The following SPMAP2 variants were observed in gnomAD, a reference collection of about 807,000 sequenced individuals.
SPMAP2 encodes Theg homolog.
chr19:374,052 T>C, the SPMAP2 span: 8 of 1,598,480 alleles, frequency 5.0e-6, no homozygotes, highest in Non-Finnish European at 6.8e-6. Flanking sequence ...CCTCTTGCCC[T>C]GGGTCTCCCG....
chr19:373,543 G>A, the SPMAP2 span: 41 of 1,612,536 alleles, frequency 2.5e-5, no homozygotes, highest in African/African-American at 2.1e-4. Context: ...TGGAATAAGC[G>A]GACGGCTCAG....
At chr19:365,773 G>A in the SPMAP2 span, among the ~76,000 whole-genome samples, 5 of 149,290 alleles carry the variant, frequency 3.3e-5, no homozygotes, top group African/African-American at 1.2e-4. Context: ...GCAAGTGTGA[G>A]CACAAACAGC....
At chr19:371,588 C>T in the SPMAP2 span, among the ~76,000 whole-genome samples, 2 of 152,210 alleles carry the variant, frequency 1.3e-5, no homozygotes, top group Non-Finnish European at 2.9e-5. Flanking sequence ...CCAGGGTTGT[C>T]TCTGCTCAAT....
At chr19:366,927 G>A in the SPMAP2 span, 115 of 1,011,800 alleles carry the variant, frequency 1.1e-4, no homozygotes, top group South Asian at 3.2e-5. Flanking sequence ...CTCTGCTTCC[G>A]GACCACACGT....
At chr19:371,052 G>C in the SPMAP2 span, among the ~76,000 whole-genome samples, 1 of 152,240 alleles carries the variant, frequency 6.6e-6, no homozygotes, top group Admixed American at 6.5e-5. Flanking sequence ...TGAAGACAGT[G>C]AGAGATCAAA....
At chr19:361,916 G>C in the SPMAP2 span, 2 of 241,692 alleles carry the variant, frequency 8.3e-6, no homozygotes, top group African/African-American at 2.3e-5. Flanking sequence ...CGGCTGGTTT[G>C]ACTGTGGCTG....
chr19:374,471 C>T, the SPMAP2 span: 2,912 of 1,610,958 alleles, frequency 1.8e-3, 7 homozygotes, highest in Non-Finnish European at 2.3e-3. Flanking sequence ...CGCCCCGATG[C>T]GTTTGGGAGC....
chr19:373,563 G>A, the SPMAP2 span: 8 of 1,607,226 alleles, frequency 5.0e-6, no homozygotes, highest in South Asian at 5.5e-5. Context: ...GGGCAAGGGA[G>A]GCAGAGAGCC....
the SPMAP2 span, among the ~76,000 whole-genome samples, chr19:369,404 C>T: frequency 4.6e-5 from 7 of 151,962 alleles, no homozygotes; most frequent in African/African-American, 1.4e-4. Context: ...ACTCCCCGCC[C>T]GGAGAATGCA....
chr19:375,090 A>G, the SPMAP2 span, among the ~76,000 whole-genome samples: 2 of 152,188 alleles, frequency 1.3e-5, no homozygotes, highest in East Asian at 3.9e-4. Context: ...TGCAGGGACC[A>G]CGCTGCAGGG....
At chr19:366,937 T>C in the SPMAP2 span, 1 of 1,086,786 alleles carries the variant, frequency 9.2e-7, no homozygotes, top group South Asian at 1.5e-5. Context: ...GGACCACACG[T>C]CCCTGTGATT....
At chr19:371,152 C>T in the SPMAP2 span, 7 of 1,108,856 alleles carry the variant, frequency 6.3e-6, no homozygotes, top group East Asian at 2.8e-5. Flanking sequence ...CACTCTCTGC[C>T]GGGTCCCAGC....
At chr19:362,929 C>G in the SPMAP2 span, among the ~76,000 whole-genome samples, 1 of 152,124 alleles carries the variant, frequency 6.6e-6, no homozygotes, top group South Asian at 2.1e-4. Flanking sequence ...GCCTTGAGGA[C>G]AGCATGTGCT....
the SPMAP2 span, chr19:367,266 A>C: frequency 9.8e-6 from 15 of 1,533,396 alleles, no homozygotes; most frequent in African/African-American, 1.8e-4. Flanking sequence ...GAAACAGTCC[A>C]TGATGCCTCG....
At chr19:375,634 C>A in the SPMAP2 span, 4 of 1,526,216 alleles carry the variant, frequency 2.6e-6, no homozygotes, top group Admixed American at 5.9e-5. Flanking sequence ...CCCCACCGCA[C>A]CCAGGCAGGC....
the SPMAP2 span, chr19:373,627 G>C: frequency 7.9e-7 from 1 of 1,265,830 alleles, no homozygotes; most frequent in Non-Finnish European, 1.1e-6. Flanking sequence ...GGCCGAGGTG[G>C]GGTGTGGAGT....
the SPMAP2 span, chr19:366,963 T>TG: frequency 7.8e-7 from 1 of 1,289,500 alleles, no homozygotes; most frequent in East Asian, 2.7e-5. Context: ...TTCTCTTTCA[T>TG]GGGGGAGAGC....
At chr19:375,015 T>A in the SPMAP2 span, among the ~76,000 whole-genome samples, 2 of 152,142 alleles carry the variant, frequency 1.3e-5, no homozygotes, top group African/African-American at 4.8e-5. Flanking sequence ...GCCACTTTGT[T>A]CTTGGGCGGC....
At chr19:374,618 C>T in the SPMAP2 span, 223 of 661,332 alleles carry the variant, frequency 3.4e-4, no homozygotes, top group African/African-American at 3.7e-3. Context: ...CTCCACTGCT[C>T]GCTGGATGGA....
Sources: gnomAD v4.1 joint callset for allele counts (sites outside exome capture counted in the v4.1 genomes callset) on GRCh38, gnomAD v4.1.1 for gene constraint, MANE v1.5 for transcripts, NCBI Gene and HGNC (gene_info 2026-07-23, HGNC 2026-07-21) for gene names.